The following CNOT6L variants were observed in gnomAD, a reference collection of about 807,000 sequenced individuals.
CNOT6L encodes the protein CCR4-NOT transcription complex subunit 6 like, also known as CCR4-NOT transcription complex subunit 6-like.
A neutral mutation model predicts 64.0 loss-of-function variants in CNOT6L; 7 were observed. The ratio of observed to expected loss-of-function variants is 0.11; its 90% CI spans 0.06 to 0.21. The LOEUF (loss-of-function observed/expected upper bound fraction) is 0.21. Ranked by LOEUF, CNOT6L falls within the 10% of genes least tolerant of loss-of-function variation. The pLI is 1.00. For missense variants in CNOT6L, 245 were observed against 669.0 expected (o/e 0.37, Z 6.99); for synonymous variants, 193 against 243.4 (o/e 0.79, Z 1.93).
chr4:77,724,950 T>C (rs1360662333), intron 11 of CNOT6L, among the ~76,000 whole-genome samples: 1 of 152,184 alleles, frequency 6.6e-6, no homozygotes, highest in East Asian at 1.9e-4. Context: ...GGTATCATGT[T>C]GGAAGATAGG....
At chr4:77,792,371 C>A (rs1416416866) in intron 1 of CNOT6L, among the ~76,000 whole-genome samples, 1 of 152,028 alleles carries the variant, frequency 6.6e-6, no homozygotes, top group African/African-American at 2.4e-5. Context: ...ATTGACCAAT[C>A]CCAGTGGCAG....
rs557253772 is a variant in CNOT6L, at chr4:77,774,650, T to C, written c.194A>G (p.Asp65Gly). The C allele has an allele frequency of 9.3e-6, 15 of 1,613,684 alleles. No homozygotes were observed. In the South Asian group the frequency reaches 1.6e-4, roughly 18 times the overall value. Residue 65 changes from aspartate (D) to glycine (G), a missense_variant, in exon 3 of 12, where the codon GAC (aspartate) becomes GGC (glycine). Physicochemically the swap from Asp to Gly is moderately conservative, Grantham distance 94. This residue lies in a region of CNOT6L where 78 missense variants were observed against 137.6 expected (regional missense o/e 0.57). Coordinates refer to ENST00000504123, the MANE Select transcript of CNOT6L (RefSeq NM_144571.3). ...AGGTGGAATGCGACTAAGGTAATTG[T>C]CATTTAGGTGCAGCGCTGTCAAGTG... ...LTHLTALHLN[D>G]NYLSRIPPDI...
chr4:77,818,911 C>T (rs1285172053), intron 1 of CNOT6L: 1 of 561,778 alleles, frequency 1.8e-6, no homozygotes, highest in African/African-American at 1.9e-5. Context: ...CCCAGCCCCG[C>T]TGCCGCGCGT....
intron 1 of CNOT6L, among the ~76,000 whole-genome samples, chr4:77,777,242 A>G (rs1322836485): frequency 6.6e-6 from 1 of 152,226 alleles, no homozygotes; most frequent in East Asian, 1.9e-4. Context: ...CATGCTCAAA[A>G]GAGTCCAATT....
chr4:77,779,041 T>C (rs1484552903), intron 1 of CNOT6L, among the ~76,000 whole-genome samples: 1 of 97,826 alleles, frequency 1.0e-5, no homozygotes, highest in African/African-American at 4.0e-5. Flanking sequence ...AGCGAGACTC[T>C]GTCTCAAAAA....
At chr4:77,799,187 G>T (rs910426725) in intron 1 of CNOT6L, among the ~76,000 whole-genome samples, 1 of 152,078 alleles carries the variant, frequency 6.6e-6, no homozygotes, top group Non-Finnish European at 1.5e-5. Flanking sequence ...CAACACTTTC[G>T]GAGGCCAAGG....
chr4:77,731,659 T>TA, intron 8 of CNOT6L, 121 bp from the exon 9 acceptor site: 1 of 729,944 alleles, frequency 1.4e-6, no homozygotes, highest in Non-Finnish European at 2.1e-6. Context: ...GACCATGTGA[T>TA]ACAGTTCTGG....
intron 1 of CNOT6L, among the ~76,000 whole-genome samples, chr4:77,816,248 C>T (rs1733561631): frequency 1.3e-5 from 2 of 151,958 alleles, no homozygotes; most frequent in African/African-American, 4.8e-5. Flanking sequence ...AAATGTTCTT[C>T]CCAATTCTCC....
chr4:77,766,310 T>C (rs1264579720), intron 4 of CNOT6L, among the ~76,000 whole-genome samples: 3 of 152,120 alleles, frequency 2.0e-5, no homozygotes, highest in Non-Finnish European at 4.4e-5. Context: ...TGATAAAATA[T>C]CTGAAAATGA....
In CNOT6L at chr4:77,714,945, A is replaced by G. The variant is rs1395390459; in HGVS notation, c.*5486T>C. Reference sequence around the variant, plus strand: ...ATTGTTTGACATCAATGCTGAACCAATTTTGTGACTTCAGATAACTACAAA... The same window carrying G: ...ATTGTTTGACATCAATGCTGAACCAGTTTTGTGACTTCAGATAACTACAAA... On this transcript the variant is annotated 3_prime_UTR_variant, in exon 12 of 12. Coordinates refer to ENST00000504123, the MANE Select transcript of CNOT6L (RefSeq NM_144571.3). The G allele has an allele frequency of 6.6e-6, 1 of 152,570 alleles. No homozygotes were observed. Among genetic ancestry groups the G allele is most frequent in the African/African-American group, 2.4e-5 (1 of 41,454 alleles). The allele number at this position is 152,570 out of a possible 1,614,324, so 9.5% of individuals were successfully genotyped here.
intron 1 of CNOT6L, among the ~76,000 whole-genome samples, chr4:77,806,931 C>A (rs550458953): frequency 6.6e-6 from 1 of 152,198 alleles, no homozygotes; most frequent in Admixed American, 6.5e-5. Context: ...TTAATAAACA[C>A]TTTCAAATTC....
At chr4:77,745,071 A>C (rs188869027) in intron 6 of CNOT6L, among the ~76,000 whole-genome samples, 196 bp from the exon 7 acceptor site, 25 of 152,370 alleles carry the variant, frequency 1.6e-4, no homozygotes, top group African/African-American at 6.0e-4. Flanking sequence ...TATTTTATTA[A>C]GTCTAGAATT....
intron 3 of CNOT6L, 43 bp downstream of exon 3, chr4:77,774,487 T>C (rs1182943363): frequency 6.8e-7 from 1 of 1,471,600 alleles, no homozygotes; most frequent in African/African-American, 1.4e-5. Context: ...TTTCTTAAAT[T>C]TAGAATTTTA....
chr4:77,733,751 A>G (rs1414621498), intron 8 of CNOT6L, among the ~76,000 whole-genome samples: 1 of 152,050 alleles, frequency 6.6e-6, no homozygotes, highest in Non-Finnish European at 1.5e-5. Flanking sequence ...CATTTTTTCC[A>G]TTAAAACTAG....
chr4:77,741,050 C>T (rs551894565), intron 8 of CNOT6L, among the ~76,000 whole-genome samples: 8 of 152,148 alleles, frequency 5.3e-5, no homozygotes, highest in South Asian at 4.1e-4. Flanking sequence ...AACATATTCC[C>T]GTAGTTAAGA....
At chr4:77,753,761 T>C (rs1479068766) in intron 5 of CNOT6L, among the ~76,000 whole-genome samples, 1 of 152,026 alleles carries the variant, frequency 6.6e-6, no homozygotes, top group Non-Finnish European at 1.5e-5. Context: ...ATCATAATCT[T>C]GTTGGCTTTA....
intron 1 of CNOT6L, among the ~76,000 whole-genome samples, chr4:77,812,395 G>A (rs952568014): frequency 3.3e-5 from 5 of 149,878 alleles, no homozygotes; most frequent in East Asian, 1.9e-4. Flanking sequence ...CCAAGACAGT[G>A]CCATTGCACT....
chr4:77,773,239 G>C, intron 3 of CNOT6L, 73 bp from the exon 4 acceptor site: 1 of 918,048 alleles, frequency 1.1e-6, no homozygotes, highest in Non-Finnish European at 1.6e-6. Context: ...CCATTCTTAA[G>C]GCTCCTTCTA....
chr4:77,798,753 G>T (rs1401600522), intron 1 of CNOT6L, among the ~76,000 whole-genome samples: 2 of 151,924 alleles, frequency 1.3e-5, no homozygotes, highest in Admixed American at 1.3e-4. Context: ...GGGAGGCCGA[G>T]GTGGGAGGAT....
Sources: allele counts gnomAD v4.1 joint callset (sites outside exome capture counted in the v4.1 genomes callset), GRCh38; gene constraint gnomAD v4.1.1; regional missense constraint gnomAD v4.1.1; transcripts MANE v1.5; gene names NCBI Gene and HGNC (gene_info 2026-07-23, HGNC 2026-07-21).